SLC22A31: variants seen among roughly 807,000 people sequenced by gnomAD.
SLC22A31 encodes solute carrier family 22 member 31.
In SLC22A31, 42 loss-of-function variants were observed where a neutral mutation model predicts 27.4. The ratio of observed to expected loss-of-function variants is 1.53; its 90% CI spans 1.20 to 1.98. The LOEUF (loss-of-function observed/expected upper bound fraction) is 1.98, where lower values mean the gene tolerates loss of function less well. Among genes scored for constraint, SLC22A31 ranks in the 30% most tolerant of loss-of-function variants. The pLI is 0.00. For missense variants in SLC22A31, 593 were observed against 479.9 expected (o/e 1.24, Z -2.20); for synonymous variants, 290 against 230.8 (o/e 1.26, Z -2.33).
chr16:89,198,269 G>A lies in SLC22A31; in HGVS notation c.775C>T (p.Leu259=), dbSNP rs756559621. 2.0e-6 allele frequency: 3 copies of A among 1,535,950 alleles called. No homozygotes were observed. Among genetic ancestry groups the A allele is most frequent in the South Asian group, 2.4e-5 (2 of 84,064 alleles). Residue 259 remains leucine (L), a synonymous_variant, in exon 7 of 9, where the codon CTG becomes TTG. Transcript: ENST00000682282. The stretch of plus-strand genomic sequence containing the variant: ...AGGCCGGCCTCCAGGAAGTAGGGCA[G>A]GTAGAAGGTCGGCACCTGAGGTGCC... ...SLAPQVPTFY[L]PYFLEAGLEA...
intron 2 of SLC22A31, 59 bp downstream of exon 2, chr16:89,199,654 C>G (rs931562264): frequency 5.0e-6 from 2 of 403,992 alleles, no homozygotes; most frequent in East Asian, 3.5e-5. Flanking sequence ...TCTAGCTGAA[C>G]CCTGAGAGTG....
In SLC22A31 at chr16:89,195,835, G is replaced by T; in HGVS notation, c.*164C>A. On this transcript the variant is annotated 3_prime_UTR_variant, in exon 9 of 9. Transcript: ENST00000682282. ...GACCCAGGGCCTCCCAGTGCCTGGG[G>T]CCTGGCTGGAGACACCTTCACGCTG... 3 of 751,082 alleles carry T rather than the reference G, an allele frequency of 4.0e-6. No individual in the cohort carries two copies. Among genetic ancestry groups the T allele is most frequent in the East Asian group, 3.0e-5 (1 of 32,870 alleles). 46.5% of individuals were successfully genotyped at this position (751,082 alleles called of 1,614,324 possible). A position where few individuals can be genotyped will look rare whatever the true frequency, so the allele number is the denominator to read the frequency against.
At chr16:89,200,990 C>T, upstream of SLC22A31, 1 of 349,744 alleles carries the variant, frequency 2.9e-6, no homozygotes, top group East Asian at 4.3e-5. Context: ...CCACCGGCGC[C>T]TTCGGCTCCA....
At position 89,199,413 on chromosome 16, in the gene SLC22A31, G is replaced by C. The variant is rs184407156; in HGVS notation, c.283C>G (p.Arg95Gly). Residue 95 changes from arginine to glycine, a missense_variant and splice_region_variant, in exon 3 of 9, where the codon CGC becomes GGC. Transcript: ENST00000682282. ...TGACAGCAGCCCCCAGGGTACTCACGAGCCAGATACAGGGCGAGGAGGGCC... is the reference window on the plus strand; with the variant it reads ...TGACAGCAGCCCCCAGGGTACTCACCAGCCAGATACAGGGCGAGGAGGGCC... Reference protein sequence around the residue: ...AGALLALYLARLELCDPPHRL... With the variant: ...AGALLALYLAGLELCDPPHRL... 3 of 574,640 alleles carry C rather than the reference G, an allele frequency of 5.2e-6. No individual in the cohort carries two copies. Among genetic ancestry groups the C allele is most frequent in the Admixed American group, 3.0e-5 (1 of 32,870 alleles). 35.6% of individuals were successfully genotyped at this position (574,640 alleles called of 1,614,324 possible).
At chr16:89,200,178 G>C (rs1916421514) in intron 1 of SLC22A31, 1 of 185,552 alleles carries the variant, frequency 5.4e-6, no homozygotes, top group Non-Finnish European at 1.1e-5. Flanking sequence ...CCAGGGCCTT[G>C]GTGGCGTCAT....
chr16:89,199,722 C>T lies in SLC22A31; in HGVS notation c.119G>A (p.Gly40Asp), dbSNP rs1165145997. 1 of 405,340 alleles carries T rather than the reference C, an allele frequency of 2.5e-6. No homozygotes were observed. The highest frequency in any genetic ancestry group is 4.2e-5 in the Admixed American group (1 of 23,672). The allele number at this position is 405,340 out of a possible 1,614,324, so 25.1% of individuals were successfully genotyped here. ...WLLGCVILGA[G>D]CDRFGRRAVF... is the part of the protein sequence containing the mutation. ...AGGGAAGGGGCCTCACCGGTCACAG[C>T]CTGCTCCCAGGATGACACAGCCCAG... Residue 40 changes from glycine (G) to aspartate (D), a missense_variant, in exon 2 of 9, where the codon GGC becomes GAC. Physicochemically the swap from Gly to Asp is moderately conservative, Grantham distance 94. Coordinates refer to ENST00000682282, the MANE Select transcript of SLC22A31 (RefSeq NM_001384763.1).
At chr16:89,199,630 C>T in intron 2 of SLC22A31, 63 bp from the exon 3 acceptor site, 1 of 407,672 alleles carries the variant, frequency 2.5e-6, no homozygotes, top group Non-Finnish European at 4.4e-6. Flanking sequence ...AACCTTCATC[C>T]TGGCAGCACC....
At chr16:89,201,020 C>A (rs1326297821), upstream of SLC22A31, 2 of 356,470 alleles carry the variant, frequency 5.6e-6, no homozygotes, top group East Asian at 8.3e-5. Context: ...CGCCCCAGGC[C>A]GCCCCGCGCC....
chr16:89,198,038 T>C (rs1916136140), intron 7 of SLC22A31, 84 bp downstream of exon 7: 2 of 1,450,934 alleles, frequency 1.4e-6, no homozygotes, highest in African/African-American at 2.8e-5. Context: ...GCTGCTCCCC[T>C]GTCGGCACTA....
At chr16:89,199,257 T>G (rs892464456) in intron 3 of SLC22A31, 66 bp from the exon 4 acceptor site, 35 of 1,426,298 alleles carry the variant, frequency 2.5e-5, no homozygotes, top group Non-Finnish European at 3.0e-5. Flanking sequence ...CATTGGGAAC[T>G]GCGGGGACCT....
At chr16:89,196,511 T>A in intron 8 of SLC22A31, 1 of 887,858 alleles carries the variant, frequency 1.1e-6, no homozygotes, top group Non-Finnish European at 1.7e-6. Context: ...GGGCAACAGA[T>A]TGGGGGACAC....
Position 89,198,238 on chromosome 16 carries a change from G to A in SLC22A31, c.806C>T (p.Ala269Val), listed in dbSNP as rs1416988808. 2.4e-5 allele frequency: 37 copies of A among 1,535,790 alleles called. No homozygotes were observed. The highest frequency in any genetic ancestry group is 3.0e-5 in the Non-Finnish European group (34 of 1,146,888). ...CAGGAGCAGGAAGACCAAGGCTGCC[G>A]CCTCCAGGCCGGCCTCCAGGAAGTA... The part of the protein sequence containing the change: ...LPYFLEAGLE[A>V]AALVFLLLTA... The change falls in exon 7 of 9, where the codon GCG (alanine) becomes GTG (valine). Residue 269 changes from alanine to valine, a missense_variant. Coordinates refer to ENST00000682282, the MANE Select transcript of SLC22A31 (RefSeq NM_001384763.1).
rs753402703 is a variant in SLC22A31 at position 89,198,190 on chromosome 16, C to A, written c.854G>T (p.Arg285Leu). 1 of 1,535,558 alleles carries A rather than the reference C, an allele frequency of 6.5e-7. No individual in the cohort carries two copies. Among genetic ancestry groups the A allele is most frequent in the South Asian group, 1.2e-5 (1 of 84,056 alleles). Reference protein sequence around the residue: ...LLLTADCCGRRPVLLLGTMVT... With the variant: ...LLLTADCCGRLPVLLLGTMVT... ...CATGGTGCCCAGCAGCAGCACGGGGCGGCGTCCACAGCAATCTGCCGTCAG... is the reference window on the plus strand; with the variant it reads ...CATGGTGCCCAGCAGCAGCACGGGGAGGCGTCCACAGCAATCTGCCGTCAG... The change falls in exon 7 of 9, where the codon CGC becomes CTC. Residue 285 changes from arginine (R) to leucine (L), a missense_variant. Arg to Leu is a moderately radical substitution (Grantham distance 102). Transcript: ENST00000682282.
chr16:89,198,953 C>T (rs1000653062), intron 4 of SLC22A31, 70 bp downstream of exon 4: 13 of 1,509,112 alleles, frequency 8.6e-6, no homozygotes, highest in Admixed American at 2.0e-5. Context: ...GCATGGGATA[C>T]GTCGGTGCAG....
intron 8 of SLC22A31, 59 bp downstream of exon 8, chr16:89,197,239 C>T: frequency 3.0e-6 from 4 of 1,347,976 alleles, no homozygotes; most frequent in Non-Finnish European, 3.0e-6. Flanking sequence ...CCACCTGGCC[C>T]CTCCTCCCCA....
Position 89,198,657 on chromosome 16 carries a change from G to C in SLC22A31, c.593C>G (p.Ala198Gly), listed in dbSNP as rs974949358. 1 of 1,535,494 alleles carries C rather than the reference G, an allele frequency of 6.5e-7. No homozygotes were observed. The highest frequency in any genetic ancestry group is 1.4e-5 in the African/African-American group (1 of 73,162). The change falls in exon 5 of 9, where the codon GCT (alanine) becomes GGT (glycine). Residue 198 changes from alanine (A) to glycine (G), a missense_variant. Ala to Gly is a moderately conservative substitution (Grantham distance 60). Coordinates refer to ENST00000682282, the MANE Select transcript of SLC22A31 (RefSeq NM_001384763.1). The stretch of plus-strand genomic sequence containing the variant: ...CTCCCTGGTAGGCGCCTGACCTGTA[G>C]CCAGGGAGTTCTCCTCCAAGGAACT... ...GDSSLEENSL[A>G]TELTMLSARS...
chr16:89,198,566 TGTGAGGGGAGGGGG>T lies in SLC22A31; in HGVS notation c.599-30_599-17del. The T allele has an allele frequency of 9.9e-6, 15 of 1,512,052 alleles. No homozygotes were observed. Among genetic ancestry groups the T allele is most frequent in the Non-Finnish European group, 1.3e-5 (15 of 1,131,022 alleles). The allele number at this position is 1,512,052 out of a possible 1,614,324, so 93.7% of individuals were successfully genotyped here. A position where few individuals can be genotyped will look rare whatever the true frequency, so the allele number is the denominator to read the frequency against. ...ATGGTCAGCTCTGTAGCCGCAGAGATGTGAGGGGAGGGGGGTGAGGAGCTGTGCCTCTCCGAAGC... is the reference window on the plus strand; with the variant it reads ...ATGGTCAGCTCTGTAGCCGCAGAGATGTGAGGAGCTGTGCCTCTCCGAAGC... On this transcript the variant is annotated splice_polypyrimidine_tract_variant and intron_variant, in intron 5 of 8. Coordinates refer to ENST00000682282, the MANE Select transcript of SLC22A31 (RefSeq NM_001384763.1).
upstream of SLC22A31, chr16:89,201,214 C>A (rs1046291881): frequency 5.4e-6 from 2 of 371,570 alleles, no homozygotes; most frequent in East Asian, 7.8e-5. Flanking sequence ...AGGGCCTCGG[C>A]GGGCTGGGGG....
At chr16:89,196,481 T>C (rs1915935857) in intron 8 of SLC22A31, 176 bp from the exon 9 acceptor site, 1 of 1,227,680 alleles carries the variant, frequency 8.1e-7, no homozygotes, top group East Asian at 2.6e-5. Context: ...TGGGAGAGAG[T>C]GCGTTGGGGG....
Sources: allele counts gnomAD v4.1 joint callset, GRCh38; gene constraint gnomAD v4.1.1; transcripts MANE v1.5; gene names NCBI Gene and HGNC (gene_info 2026-07-23, HGNC 2026-07-21).